RBFOX1: variants seen among roughly 807,000 people sequenced by gnomAD.
RBFOX1 encodes the protein RNA binding protein fox-1 homolog 1.
RBFOX1 carries 8 observed loss-of-function variants against 57.7 expected under a neutral mutation model. That is an observed-to-expected ratio of 0.14 (90% CI 0.08 to 0.25). The LOEUF (loss-of-function observed/expected upper bound fraction) is 0.25, where lower values mean the gene tolerates loss of function less well. Among genes scored for constraint, RBFOX1 ranks in the 10% least tolerant of loss-of-function variants. The probability of loss-of-function intolerance (pLI) is 1.00; values close to 1 mark genes in which losing one functional copy is unlikely to be tolerated. For synonymous variants in RBFOX1, 326 were observed against 222.4 expected (o/e 1.47, Z -4.15); for missense variants, 611 against 548.5 (o/e 1.11, Z -1.14).
chr16:6,992,754 C>G (rs2091696806), intron 3 of RBFOX1, among the ~76,000 whole-genome samples: 1 of 149,738 alleles, frequency 6.7e-6, no homozygotes, highest in Non-Finnish European at 1.5e-5. Flanking sequence ...CATGATCTAC[C>G]CAAGGTCACT....
At chr16:5,688,474 C>T (rs990821140) in intron 3 of RBFOX1, among the ~76,000 whole-genome samples, 3 of 152,148 alleles carry the variant, frequency 2.0e-5, no homozygotes, top group African/African-American at 4.8e-5. Flanking sequence ...GCCTCTTGAA[C>T]GATGCATTTC....
At chr16:6,457,751 C>T (rs1374633751) in intron 2 of RBFOX1, among the ~76,000 whole-genome samples, 1 of 152,144 alleles carries the variant, frequency 6.6e-6, no homozygotes, top group Admixed American at 6.5e-5. Flanking sequence ...TGCTGTCCTT[C>T]ATCGTTTGAT....
intron 4 of RBFOX1, among the ~76,000 whole-genome samples, chr16:7,390,665 T>A (rs2097990843): frequency 2.0e-5 from 3 of 152,220 alleles, no homozygotes; most frequent in Non-Finnish European, 4.4e-5. Context: ...ATAAATTTGG[T>A]GATTTTTGAT....
Position 7,131,221 on chromosome 16 carries a change from C to A in RBFOX1, c.27+79123C>A, listed in dbSNP as rs367693176. On this transcript the variant is annotated intron_variant, in intron 4 of 15. Coordinates refer to ENST00000550418, the MANE Select transcript of RBFOX1 (RefSeq NM_018723.4). ...GTTAGCCAGGTGTGGTATCGCACAC[C>A]TGTAGTCTCAGCTACTCTGGAGGCT... Among the ~76,000 whole-genome samples, 8 of 151,982 alleles carry A rather than the reference C, an allele frequency of 5.3e-5. No homozygotes were observed. In the East Asian group the frequency reaches 5.8e-4, roughly 11 times the overall value.
At chr16:6,082,899 C>T (rs2096026086) in intron 1 of RBFOX1, among the ~76,000 whole-genome samples, 1 of 152,096 alleles carries the variant, frequency 6.6e-6, no homozygotes, top group Non-Finnish European at 1.5e-5. Flanking sequence ...GGAGCCTAGC[C>T]CATAGCACCC....
In RBFOX1 at chr16:6,529,215, A is replaced by G. The variant is rs536160563; in HGVS notation, c.-63-125388A>G. Among the ~76,000 whole-genome samples, 6 of 152,242 alleles carry G rather than the reference A, an allele frequency of 3.9e-5. No individual in the cohort carries two copies. The South Asian group carries it at 1.0e-3, about 26-fold the overall frequency. On this transcript the variant is annotated intron_variant, in intron 2 of 15. Coordinates refer to ENST00000550418, the MANE Select transcript of RBFOX1 (RefSeq NM_018723.4). ...AAGAGGGTTGTTTTTATTGTAAACT[A>G]CTTTTCAAATAAAAGCATATTGCAT...
At chr16:7,100,067 G>A (rs552281922) in intron 4 of RBFOX1, among the ~76,000 whole-genome samples, 1 of 151,726 alleles carries the variant, frequency 6.6e-6, no homozygotes, top group South Asian at 2.1e-4. Flanking sequence ...GGGGGGTGAG[G>A]GTGGTCACCT....
rs1247036849 is a variant in RBFOX1 at position 5,540,979 on chromosome 16, A to C, written c.259-57923A>C. Among the ~76,000 whole-genome samples, 2 of 152,058 alleles carry C rather than the reference A, an allele frequency of 1.3e-5. 1 individual carries two copies. The highest frequency in any genetic ancestry group is 2.9e-5 in the Non-Finnish European group (2 of 68,016). On this transcript the variant is annotated intron_variant, in intron 2 of 2. Transcript: ENST00000585867. ...ATTGTCCTGCCTCAGCGTCCTGAGT[A>C]GCTGGGACTACAAACATGTGCTACC...
chr16:6,982,091 A>G (rs1392607561), intron 3 of RBFOX1, among the ~76,000 whole-genome samples: 1 of 152,192 alleles, frequency 6.6e-6, no homozygotes, highest in Non-Finnish European at 1.5e-5. Context: ...TTATATAACA[A>G]GAATGTGGCC....
chr16:5,535,851 A>G (rs870288), intron 2 of RBFOX1, among the ~76,000 whole-genome samples: 47,249 of 152,138 alleles, frequency 0.31, 8,700 homozygotes, highest in East Asian at 0.85. Flanking sequence ...CTGAGATACT[A>G]TCTAATTTGG....
chr16:6,001,374 G>T (rs927917413), intron 4 of RBFOX1, among the ~76,000 whole-genome samples: 1 of 152,272 alleles, frequency 6.6e-6, no homozygotes, highest in Non-Finnish European at 1.5e-5. Context: ...AACCACCAAT[G>T]GTGTGTGGCT....
intron 3 of RBFOX1, among the ~76,000 whole-genome samples, chr16:6,940,356 C>G (rs559891175): frequency 3.1e-4 from 47 of 152,306 alleles, no homozygotes; most frequent in African/African-American, 9.4e-4. Context: ...AAAGCTCAAA[C>G]TACATTGCTC....
intron 3 of RBFOX1, among the ~76,000 whole-genome samples, chr16:6,978,149 G>T (rs994732555): frequency 6.6e-6 from 1 of 151,992 alleles, no homozygotes; most frequent in Non-Finnish European, 1.5e-5. Flanking sequence ...TGATGCCCTG[G>T]GCCCCATGGC....
chr16:6,213,263 C>T (rs1422871040), intron 1 of RBFOX1, among the ~76,000 whole-genome samples: 1 of 152,082 alleles, frequency 6.6e-6, no homozygotes, highest in Non-Finnish European at 1.5e-5. Flanking sequence ...TTATTTCTTT[C>T]TAGGTGGCTT....
At chr16:7,500,027 C>T (rs1009932141) in intron 4 of RBFOX1, among the ~76,000 whole-genome samples, 14 of 152,148 alleles carry the variant, frequency 9.2e-5, no homozygotes, top group African/African-American at 3.4e-4. Context: ...CCTCTTCTTC[C>T]TCAAGTCAGC....
At chr16:7,237,047 G>C (rs2093803352) in intron 4 of RBFOX1, among the ~76,000 whole-genome samples, 2 of 152,210 alleles carry the variant, frequency 1.3e-5, no homozygotes, top group Admixed American at 1.3e-4. Flanking sequence ...ATCAGCAAGA[G>C]AGGAATTCAG....
chr16:6,842,652 C>CTT (rs5815350), intron 3 of RBFOX1, among the ~76,000 whole-genome samples: 13,999 of 141,798 alleles, frequency 0.099, 1,187 homozygotes, highest in East Asian at 0.29. Context: ...AATCTATTTG[C>CTT]TTTTTTTTTT....
At chr16:6,108,998 A>G (rs928039986) in intron 1 of RBFOX1, among the ~76,000 whole-genome samples, 2 of 152,194 alleles carry the variant, frequency 1.3e-5, no homozygotes, top group African/African-American at 2.4e-5. Flanking sequence ...TGTACAGACT[A>G]CAGGGATTAG....
At chr16:5,851,823 T>A (rs935927710) in intron 3 of RBFOX1, among the ~76,000 whole-genome samples, 3 of 152,172 alleles carry the variant, frequency 2.0e-5, no homozygotes, top group Admixed American at 1.3e-4. Context: ...TTAAAGGAAC[T>A]GTCTGTTGCT....
Sources: gnomAD v4.1 joint callset for allele counts (sites outside exome capture counted in the v4.1 genomes callset) on GRCh38, gnomAD v4.1.1 for gene constraint, MANE v1.5 for transcripts, NCBI Gene and HGNC (gene_info 2026-07-23, HGNC 2026-07-21) for gene names.